Variants in COX6C observed in about 807,000 individuals in gnomAD.
COX6C encodes cytochrome c oxidase polypeptide VIc.
COX6C carries 3 observed loss-of-function variants against 6.9 expected under a neutral mutation model. The ratio of observed to expected loss-of-function variants is 0.43; its 90% CI spans 0.20 to 1.12. The LOEUF is 1.12. Among genes scored for constraint, COX6C ranks in the 50% most tolerant of loss-of-function variants. COX6C has a pLI of 0.27. For synonymous variants in COX6C, 32 were observed against 32.0 expected, an observed-to-expected ratio of 1.00 and a Z score of 0.00; for missense variants, 101 against 97.3, an observed-to-expected ratio of 1.04 and a Z score of -0.16.
At position 99,891,931 on chromosome 8, in the gene COX6C, G is replaced by C; in HGVS notation, c.91C>G (p.Leu31Val). 6.2e-7 allele frequency: 1 copy of C among 1,614,148 alleles called. No individual in the cohort carries two copies. The highest frequency in any genetic ancestry group is 1.7e-5 in the Admixed American group (1 of 60,028). The change falls in exon 2 of 4, where the codon CTG becomes GTG. Residue 31 changes from leucine (L) to valine (V), a missense_variant. Leu to Val is a conservative substitution (Grantham distance 32). Coordinates refer to ENST00000520468, the MANE Select transcript of COX6C (RefSeq NM_004374.4). ...ACCTTATACAAAGCTGCAACCCCCA[G>C]GGATAGCACGAATGCTACAGCCATA... ...NHMAVAFVLS[L>V]GVAALYKFRV...
rs1445261155 is a variant in COX6C, at chr8:99,891,983, G to A, written c.39C>T (p.Gly13=). ...PEVLPKPRMR[G]LLARRLRNHM... ...GATTTCGCAGACGCCTGGCCAGAAG[G>A]CCACGCATCCGAGGTTTTGGCAAAA... The change falls in exon 2 of 4, where the codon GGC becomes GGT. Residue 13 remains glycine, a synonymous_variant. Coordinates refer to ENST00000520468, the MANE Select transcript of COX6C (RefSeq NM_004374.4). The A allele has an allele frequency of 1.4e-5, 22 of 1,613,584 alleles. No homozygotes were observed. Among genetic ancestry groups the A allele is most frequent in the Non-Finnish European group, 1.8e-5 (21 of 1,179,930 alleles).
At chr8:99,887,437 A>G in intron 3 of COX6C, 53 bp downstream of exon 3, 1 of 1,093,470 alleles carries the variant, frequency 9.1e-7, no homozygotes, top group Non-Finnish European at 1.3e-6. Context: ...CTGTATTTGC[A>G]TTTTACCACA....
At chr8:99,885,271 T>C (rs1817928245) in intron 3 of COX6C, among the ~76,000 whole-genome samples, 1 of 152,238 alleles carries the variant, frequency 6.6e-6, no homozygotes, top group African/African-American at 2.4e-5. Flanking sequence ...TTCTATTTTG[T>C]TATTGTTGCT....
intron 2 of COX6C, among the ~76,000 whole-genome samples, chr8:99,891,114 G>A (rs1403426993): frequency 6.6e-6 from 1 of 152,226 alleles, no homozygotes; most frequent in African/African-American, 2.4e-5. Context: ...GGGTTGAATT[G>A]TGTTTGACCA....
chr8:99,878,409 G>C (rs974897714), intron 3 of COX6C, 144 bp from the exon 4 acceptor site: 7 of 152,200 alleles, frequency 4.6e-5, no homozygotes, highest in African/African-American at 1.7e-4. Flanking sequence ...GCACAGTTCA[G>C]GCTACCTGGA....
intron 2 of COX6C, among the ~76,000 whole-genome samples, chr8:99,890,754 C>T (rs1012722949): frequency 2.0e-5 from 3 of 151,840 alleles, no homozygotes; most frequent in Admixed American, 6.6e-5. Flanking sequence ...AACATTTTTA[C>T]GGAAAAGTTG....
intron 2 of COX6C, among the ~76,000 whole-genome samples, chr8:99,890,664 C>T (rs1374789163): frequency 2.6e-5 from 4 of 152,128 alleles, no homozygotes; most frequent in African/African-American, 4.8e-5. Flanking sequence ...AAATTAAATA[C>T]AAAGAGTTAT....
At chr8:99,889,714 C>A (rs1818005080) in intron 2 of COX6C, among the ~76,000 whole-genome samples, 1 of 151,976 alleles carries the variant, frequency 6.6e-6, no homozygotes, top group Admixed American at 6.6e-5. Context: ...GCTGACACCT[C>A]TGCCTCCCAG....
At chr8:99,882,141 A>G (rs920529062) in intron 3 of COX6C, among the ~76,000 whole-genome samples, 3 of 152,240 alleles carry the variant, frequency 2.0e-5, no homozygotes, top group Admixed American at 6.5e-5. Context: ...CAATAGCAGT[A>G]GAGGACTTCA....
In COX6C at chr8:99,891,949, C is replaced by G. The variant is rs761791196; in HGVS notation, c.73G>C (p.Val25Leu). The change falls in exon 2 of 4, where the codon GTA (valine) becomes CTA (leucine). Residue 25 changes from valine (V) to leucine (L), a missense_variant. Val to Leu is a conservative substitution (Grantham distance 32). Coordinates refer to ENST00000520468, the MANE Select transcript of COX6C (RefSeq NM_004374.4). ...ACCCCCAGGGATAGCACGAATGCTA[C>G]AGCCATATGATTTCGCAGACGCCTG... is the stretch of plus-strand genomic sequence containing the variant. Reference protein sequence around the residue: ...LARRLRNHMAVAFVLSLGVAA... With the variant: ...LARRLRNHMALAFVLSLGVAA... The G allele has an allele frequency of 6.2e-6, 10 of 1,613,980 alleles. No individual in the cohort carries two copies. The highest frequency in any genetic ancestry group is 8.5e-6 in the Non-Finnish European group (10 of 1,180,022).
At chr8:99,890,689 G>C (rs1333437851) in intron 2 of COX6C, among the ~76,000 whole-genome samples, 1 of 152,166 alleles carries the variant, frequency 6.6e-6, no homozygotes, top group Non-Finnish European at 1.5e-5. Flanking sequence ...GCAAAGCTCT[G>C]AATTCTTTCA....
At chr8:99,892,798 G>A (rs1043249382) in intron 1 of COX6C, among the ~76,000 whole-genome samples, 1 of 152,056 alleles carries the variant, frequency 6.6e-6, no homozygotes, top group Non-Finnish European at 1.5e-5. Context: ...ATAAGCAGTA[G>A]CTCCGCATTG....
intron 2 of COX6C, among the ~76,000 whole-genome samples, chr8:99,890,283 C>T (rs1818015219): frequency 6.6e-6 from 1 of 152,056 alleles, no homozygotes; most frequent in South Asian, 2.1e-4. Flanking sequence ...ACTTGCAAGG[C>T]TCAAATTCCA....
intron 3 of COX6C, among the ~76,000 whole-genome samples, chr8:99,884,402 G>C (rs1248202487): frequency 6.6e-6 from 1 of 152,042 alleles, no homozygotes; most frequent in Non-Finnish European, 1.5e-5. Context: ...ATAATACTTA[G>C]GAATGTATTT....
At chr8:99,888,366 T>A (rs147845382) in intron 2 of COX6C, among the ~76,000 whole-genome samples, 6 of 151,902 alleles carry the variant, frequency 3.9e-5, no homozygotes, top group African/African-American at 7.3e-5. Context: ...AGGTCAGGAA[T>A]TGGAGACCAG....
intron 3 of COX6C, among the ~76,000 whole-genome samples, chr8:99,881,130 C>T (rs940146631): frequency 6.6e-6 from 1 of 152,180 alleles, no homozygotes; most frequent in African/African-American, 2.4e-5. Flanking sequence ...GAGGCCCAGG[C>T]AGGCAAATCA....
chr8:99,882,943 C>T (rs960594975), intron 3 of COX6C, among the ~76,000 whole-genome samples: 6 of 152,070 alleles, frequency 3.9e-5, no homozygotes, highest in African/African-American at 1.4e-4. Flanking sequence ...TGCCATCACA[C>T]CCACATTATT....
At chr8:99,888,685 C>G (rs912243165) in intron 2 of COX6C, among the ~76,000 whole-genome samples, 3 of 152,232 alleles carry the variant, frequency 2.0e-5, no homozygotes, top group Non-Finnish European at 4.4e-5. Context: ...GACAGAGAGA[C>G]AGCCAAGGGT....
intron 2 of COX6C, among the ~76,000 whole-genome samples, chr8:99,888,802 C>T (rs78557592): frequency 0.029 from 4,401 of 152,314 alleles, 102 homozygotes; most frequent in Non-Finnish European, 0.047. Context: ...TTTGCCCACC[C>T]TTTCAGGACT....
Sources: allele counts gnomAD v4.1 joint callset (sites outside exome capture counted in the v4.1 genomes callset), GRCh38; gene constraint gnomAD v4.1.1; transcripts MANE v1.5; gene names NCBI Gene and HGNC (gene_info 2026-07-23, HGNC 2026-07-21).